MFSD8: variants seen among roughly 807,000 people sequenced by gnomAD.
MFSD8 encodes major facilitator superfamily domain containing 8, also known as major facilitator superfamily domain-containing protein 8.
A neutral mutation model predicts 66.4 loss-of-function variants in MFSD8; 55 were observed. The observed-to-expected ratio is 0.83, with a 90% CI of 0.67 to 1.04. The LOEUF (loss-of-function observed/expected upper bound fraction) is 1.04. Ranked by LOEUF, MFSD8 falls within the 50% of genes least tolerant of loss-of-function variation. MFSD8 has a pLI of 0.00. For missense variants in MFSD8, 550 were observed against 627.6 expected (o/e 0.88, Z 1.32); for synonymous variants, 202 against 212.8 (o/e 0.95, Z 0.44).
intron 2 of MFSD8, among the ~76,000 whole-genome samples, chr4:127,954,266 T>C (rs1742500000): frequency 6.6e-6 from 1 of 152,208 alleles, no homozygotes; most frequent in Non-Finnish European, 1.5e-5. Flanking sequence ...GAGATTCTTG[T>C]ATTTTACTTT....
intron 9 of MFSD8, among the ~76,000 whole-genome samples, chr4:127,929,622 A>G (rs1309958889): frequency 6.6e-6 from 1 of 151,824 alleles, no homozygotes; most frequent in African/African-American, 2.4e-5. Context: ...GAAAAGAAAG[A>G]AAGAGACTAG....
intron 8 of MFSD8, 63 bp downstream of exon 8, chr4:127,932,922 A>T (rs2148881794): frequency 1.4e-6 from 2 of 1,431,768 alleles, no homozygotes; most frequent in South Asian, 2.3e-5. Flanking sequence ...CCTAATTAAC[A>T]TTGCATTAAG....
At chr4:127,934,436 G>C (rs1454168341) in intron 7 of MFSD8, 1 of 151,970 alleles carries the variant, frequency 6.6e-6, no homozygotes, top group Non-Finnish European at 1.5e-5. Flanking sequence ...TACACATTAA[G>C]CTATTCTTGA....
intron 2 of MFSD8, among the ~76,000 whole-genome samples, chr4:127,952,176 T>C (rs1178282112): frequency 2.7e-5 from 4 of 148,942 alleles, no homozygotes; most frequent in Non-Finnish European, 4.5e-5. Flanking sequence ...GAGGCCTGGG[T>C]GGGCGGATCA....
chr4:127,940,201 A>T (rs1739926142), intron 5 of MFSD8, among the ~76,000 whole-genome samples: 1 of 152,100 alleles, frequency 6.6e-6, no homozygotes, highest in African/African-American at 2.4e-5. Context: ...GTACAGATAT[A>T]CATATGGTAC....
chr4:127,962,563 A>G (rs978329166), intron 1 of MFSD8, among the ~76,000 whole-genome samples: 4 of 151,790 alleles, frequency 2.6e-5, no homozygotes, highest in Non-Finnish European at 5.9e-5. Flanking sequence ...TAAAATTCAT[A>G]TCAGCATCGA....
In MFSD8 at chr4:127,921,508, A is replaced by G. The variant is rs751224107; in HGVS notation, c.1350+16T>C. ...GTATATTTTCTATAATTGCAATGTC[A>G]GGGTACCTGGCTTACCTGAGGTTTT... On this transcript the variant is annotated intron_variant, in intron 11 of 11. Transcript: ENST00000641686. 1.9e-6 allele frequency: 3 copies of G among 1,614,136 alleles called. No individual in the cohort carries two copies. Among genetic ancestry groups the G allele is most frequent in the African/African-American group, 1.3e-5 (1 of 75,082 alleles).
chr4:127,955,358 T>C (rs1195180812), intron 2 of MFSD8, among the ~76,000 whole-genome samples: 2 of 151,728 alleles, frequency 1.3e-5, no homozygotes, highest in Non-Finnish European at 2.9e-5. Flanking sequence ...CTGGCCAAGA[T>C]GGTGAAACCC....
chr4:127,928,615 A>C (rs889753588), intron 9 of MFSD8, among the ~76,000 whole-genome samples: 5 of 152,228 alleles, frequency 3.3e-5, no homozygotes, highest in African/African-American at 1.2e-4. Context: ...GGATGTGGAG[A>C]AAGGGGAACC....
intron 2 of MFSD8, among the ~76,000 whole-genome samples, chr4:127,955,309 G>C (rs993724358): frequency 1.3e-5 from 2 of 152,140 alleles, no homozygotes; most frequent in African/African-American, 4.8e-5. Flanking sequence ...TTGGGAGGCT[G>C]AGGCCGGTGG....
chr4:127,955,729 T>C (rs1335480286), intron 2 of MFSD8, among the ~76,000 whole-genome samples: 1 of 152,164 alleles, frequency 6.6e-6, no homozygotes, highest in Non-Finnish European at 1.5e-5. Context: ...TGTTTTGTTG[T>C]TAATTCTTTG....
chr4:127,948,197 A>T (rs1018982731), intron 3 of MFSD8, among the ~76,000 whole-genome samples: 10 of 152,130 alleles, frequency 6.6e-5, no homozygotes, highest in South Asian at 2.1e-4. Flanking sequence ...TGCCCCTCAC[A>T]TGGGGAGTGT....
At chr4:127,965,480 T>G, upstream of MFSD8, 1 of 419,974 alleles carries the variant, frequency 2.4e-6, no homozygotes. Context: ...AGCATTTCGG[T>G]TCCTGGAAAG....
chr4:127,920,957 T>C (rs1370137826), intron 11 of MFSD8, 121 bp from the exon 12 acceptor site: 6 of 932,528 alleles, frequency 6.4e-6, no homozygotes, highest in Non-Finnish European at 9.7e-6. Flanking sequence ...TCTTTTACTT[T>C]TAAATTAAAC....
Position 127,939,616 on chromosome 4 carries a change from A to C in MFSD8, c.698+237T>G, listed in dbSNP as rs1390520179. On this transcript the variant is annotated intron_variant, in intron 6 of 11. Transcript: ENST00000641686. The stretch of plus-strand genomic sequence containing the variant: ...TAAGATCTTGTCTCAAAAAAAAAAA[A>C]AAAAAAAAAAAAAAAACTTTGAATC... The C allele has an allele frequency of 2.2e-5, 7 of 313,866 alleles. No homozygotes were observed. In the East Asian group the frequency reaches 3.3e-4, roughly 15 times the overall value. The allele number at this position is 313,866 out of a possible 1,614,324, so 19.4% of individuals were successfully genotyped here.
chr4:127,919,689 T>C lies in MFSD8; in HGVS notation c.*941A>G, dbSNP rs961522858. 1 of 152,112 alleles carries C rather than the reference T, an allele frequency of 6.6e-6. No individual in the cohort carries two copies. Among genetic ancestry groups the C allele is most frequent in the African/African-American group, 2.4e-5 (1 of 41,432 alleles). 9.4% of individuals were successfully genotyped at this position (152,112 alleles called of 1,614,324 possible). A position where few individuals can be genotyped will look rare whatever the true frequency, so the allele number is the denominator to read the frequency against. Reference sequence around the variant, plus strand: ...CTCTACACAACTATGCAGACATAGATTGAAAACTGTTGTGTTCCTCCCCGC... The same window carrying C: ...CTCTACACAACTATGCAGACATAGACTGAAAACTGTTGTGTTCCTCCCCGC... On this transcript the variant is annotated 3_prime_UTR_variant, in exon 12 of 12. Coordinates refer to ENST00000641686, the MANE Select transcript of MFSD8 (RefSeq NM_001371596.2).
upstream of MFSD8, chr4:127,965,255 C>A (rs548234759): frequency 1.6e-5 from 21 of 1,295,866 alleles, no homozygotes; most frequent in Admixed American, 5.9e-5. Context: ...GACGGTCAGA[C>A]GTAGGCGGAA....
At chr4:127,924,222 AG>A (rs1433710700) in intron 9 of MFSD8, among the ~76,000 whole-genome samples, 2 of 152,030 alleles carry the variant, frequency 1.3e-5, no homozygotes, top group Non-Finnish European at 2.9e-5. Flanking sequence ...TAGTCTTGGG[AG>A]GGTGTATGTG....
chr4:127,951,730 ATT>A (rs535484160), intron 2 of MFSD8, among the ~76,000 whole-genome samples: 29 of 136,116 alleles, frequency 2.1e-4, no homozygotes, highest in Admixed American at 3.0e-4. Context: ...TTCACTTAGT[ATT>A]TTTTTTTTTT....
Sources: allele counts gnomAD v4.1 joint callset (sites outside exome capture counted in the v4.1 genomes callset), GRCh38; gene constraint gnomAD v4.1.1; transcripts MANE v1.5; gene names NCBI Gene and HGNC (gene_info 2026-07-23, HGNC 2026-07-21).